The following ADGRB3 variants were observed in gnomAD, a reference collection of about 807,000 sequenced individuals.
ADGRB3 encodes the protein adhesion G protein-coupled receptor B3, also known as brain-specific angiogenesis inhibitor 3.
In ADGRB3, 37 loss-of-function variants were observed where a neutral mutation model predicts 193.4. The observed-to-expected ratio is 0.19, with a 90% confidence interval of 0.15 to 0.25. The LOEUF is 0.25. Among genes scored for constraint, ADGRB3 ranks in the 10% least tolerant of loss-of-function variants. The pLI is 1.00. For missense variants in ADGRB3, 1,637 were observed against 1,852.9 expected (o/e 0.88, Z 2.14); for synonymous variants, 690 against 644.2 (o/e 1.07, Z -1.08).
At chr6:68,673,024 ATCTCTCTCTC>A (rs140274796) in intron 3 of ADGRB3, among the ~76,000 whole-genome samples, 2 of 147,640 alleles carry the variant, frequency 1.4e-5, no homozygotes, top group South Asian at 4.4e-4. Flanking sequence ...CTTAAACTGA[ATCTCTCTCTC>A]TCTCTCTCTC....
At chr6:68,753,041 C>T (rs1409342656) in intron 3 of ADGRB3, among the ~76,000 whole-genome samples, 1 of 152,102 alleles carries the variant, frequency 6.6e-6, no homozygotes, top group Non-Finnish European at 1.5e-5. Flanking sequence ...ATGTTAATGA[C>T]ATGAGCCTGA....
intron 17 of ADGRB3, among the ~76,000 whole-genome samples, chr6:69,113,983 G>A (rs1279622258): frequency 6.6e-6 from 1 of 152,108 alleles, no homozygotes; most frequent in Non-Finnish European, 1.5e-5. Flanking sequence ...GAATTACTAA[G>A]ATGTAAGTCC....
At chr6:69,383,450 A>G (rs1459226561) in intron 31 of ADGRB3, among the ~76,000 whole-genome samples, 1 of 151,976 alleles carries the variant, frequency 6.6e-6, no homozygotes, top group African/African-American at 2.4e-5. Flanking sequence ...CTTCTCATTC[A>G]TTTACATTAT....
intron 3 of ADGRB3, among the ~76,000 whole-genome samples, chr6:68,645,714 C>T (rs559925643): frequency 1.3e-5 from 2 of 152,250 alleles, no homozygotes; most frequent in South Asian, 4.1e-4. Flanking sequence ...TTCTTGTTGC[C>T]TAAGCTGGAG....
At chr6:69,294,228 G>A (rs887504913) in intron 20 of ADGRB3, among the ~76,000 whole-genome samples, 10 of 151,718 alleles carry the variant, frequency 6.6e-5, no homozygotes, top group African/African-American at 1.5e-4. Context: ...TACATTGTAC[G>A]TTGGATTTAT....
At chr6:69,214,475 A>C (rs565353203) in intron 17 of ADGRB3, among the ~76,000 whole-genome samples, 353 of 152,228 alleles carry the variant, frequency 2.3e-3, no homozygotes, top group African/African-American at 8.0e-3. Flanking sequence ...GTACTATATT[A>C]AAGAGCTATG....
intron 17 of ADGRB3, among the ~76,000 whole-genome samples, chr6:69,220,593 A>G (rs1163446826): frequency 1.3e-5 from 2 of 152,136 alleles, no homozygotes; most frequent in African/African-American, 4.8e-5. Flanking sequence ...TCACTAAGAT[A>G]GAATCACCTC....
At chr6:69,139,577 A>AGAT (rs1255211920) in intron 17 of ADGRB3, among the ~76,000 whole-genome samples, 8 of 152,242 alleles carry the variant, frequency 5.3e-5, no homozygotes, top group African/African-American at 1.9e-4. Flanking sequence ...GCAGAAAAGG[A>AGAT]GATAACTATA....
intron 26 of ADGRB3, among the ~76,000 whole-genome samples, chr6:69,348,779 T>C (rs1769162350): frequency 6.6e-6 from 1 of 152,318 alleles, no homozygotes; most frequent in East Asian, 1.9e-4. Flanking sequence ...AACTAATAAC[T>C]GGAGGTTCAA....
At chr6:69,029,430 G>A (rs1372174562) in intron 13 of ADGRB3, among the ~76,000 whole-genome samples, 2 of 152,106 alleles carry the variant, frequency 1.3e-5, no homozygotes, top group Non-Finnish European at 2.9e-5. Context: ...TAAATAGAGG[G>A]CCAAACCTTT....
intron 3 of ADGRB3, among the ~76,000 whole-genome samples, chr6:68,661,977 A>T (rs1034265719): frequency 5.9e-5 from 9 of 151,466 alleles, no homozygotes; most frequent in African/African-American, 1.9e-4. Flanking sequence ...GGGATCATAA[A>T]TTTTTTAAAC....
intron 17 of ADGRB3, among the ~76,000 whole-genome samples, chr6:69,215,684 G>T (rs1014313441): frequency 9.9e-5 from 15 of 151,854 alleles, no homozygotes; most frequent in Non-Finnish European, 2.1e-4. Context: ...AGACTTCGGG[G>T]ACAGGTTAAA....
intron 13 of ADGRB3, among the ~76,000 whole-genome samples, chr6:69,034,104 A>G (rs1562130389): frequency 6.6e-6 from 1 of 152,014 alleles, no homozygotes; most frequent in African/African-American, 2.4e-5. Flanking sequence ...TATTACTATA[A>G]AATGTTTAGT....
chr6:69,197,033 T>C (rs1389833919), intron 17 of ADGRB3, among the ~76,000 whole-genome samples: 1 of 152,224 alleles, frequency 6.6e-6, no homozygotes, highest in South Asian at 2.1e-4. Context: ...GTAATTGCAC[T>C]TTACCCTTTG....
chr6:68,654,221 G>C (rs1361045385), intron 3 of ADGRB3, among the ~76,000 whole-genome samples: 2 of 151,946 alleles, frequency 1.3e-5, no homozygotes, highest in East Asian at 3.9e-4. Context: ...CTCAGAGGCG[G>C]GAGAGGAAAA....
At chr6:68,874,505 G>A (rs1269813540) in intron 3 of ADGRB3, among the ~76,000 whole-genome samples, 1 of 152,020 alleles carries the variant, frequency 6.6e-6, no homozygotes, top group Non-Finnish European at 1.5e-5. Flanking sequence ...AAATAAAATT[G>A]TCATTGTTTC....
chr6:68,934,209 C>A (rs1767425651), intron 4 of ADGRB3, among the ~76,000 whole-genome samples: 1 of 152,094 alleles, frequency 6.6e-6, no homozygotes, highest in East Asian at 1.9e-4. Flanking sequence ...AATTCAAAAT[C>A]TGAAAGCCAA....
At chr6:69,022,515 CTTA>C (rs376648848) in intron 13 of ADGRB3, among the ~76,000 whole-genome samples, 1 of 151,890 alleles carries the variant, frequency 6.6e-6, no homozygotes, top group Non-Finnish European at 1.5e-5. Flanking sequence ...TCCTATTTCT[CTTA>C]TTATCTTTCT....
intron 3 of ADGRB3, among the ~76,000 whole-genome samples, chr6:68,680,318 A>G (rs1270797855): frequency 3.9e-5 from 6 of 152,170 alleles, no homozygotes; most frequent in Non-Finnish European, 8.8e-5. Context: ...AGAAAAAAAA[A>G]GAAGAAAGCA....
Sources: allele counts gnomAD v4.1 joint callset (sites outside exome capture counted in the v4.1 genomes callset), GRCh38; gene constraint gnomAD v4.1.1; transcripts MANE v1.5; gene names NCBI Gene and HGNC (gene_info 2026-07-23, HGNC 2026-07-21).